The following ADAMTSL1 variants were observed in gnomAD, a reference collection of about 807,000 sequenced individuals.
ADAMTSL1 encodes ADAMTS-like protein 1.
In ADAMTSL1, 126 loss-of-function variants were observed where a neutral mutation model predicts 201.8. The observed-to-expected ratio is 0.62, with a 90% CI of 0.54 to 0.72. The LOEUF (loss-of-function observed/expected upper bound fraction) is 0.72. Among genes scored for constraint, ADAMTSL1 ranks in the 30% least tolerant of loss-of-function variants. The pLI, the probability that ADAMTSL1 is intolerant of heterozygous loss-of-function variation, is 0.00. For missense variants in ADAMTSL1, 2,679 were observed against 2,277.8 expected, an observed-to-expected ratio of 1.18 and a Z score of -3.59; for synonymous variants, 1,121 against 903.4, an observed-to-expected ratio of 1.24 and a Z score of -4.32.
At chr9:18,541,662 A>C (rs1820157365) in intron 3 of ADAMTSL1, among the ~76,000 whole-genome samples, 1 of 152,222 alleles carries the variant, frequency 6.6e-6, no homozygotes, top group African/African-American at 2.4e-5. Context: ...CTGAGCTGCC[A>C]CTTACCAGTT....
At chr9:18,696,752 T>C (rs1373379527) in intron 13 of ADAMTSL1, among the ~76,000 whole-genome samples, 3 of 152,136 alleles carry the variant, frequency 2.0e-5, no homozygotes, top group Non-Finnish European at 4.4e-5. Context: ...GAAATCATTG[T>C]ATTCCAATAT....
intron 1 of ADAMTSL1, among the ~76,000 whole-genome samples, chr9:18,478,916 T>A (rs1821592900): frequency 6.6e-6 from 1 of 152,200 alleles, no homozygotes; most frequent in African/African-American, 2.4e-5. Context: ...TGCGTGTCAT[T>A]TTCTGTCTAC....
intron 2 of ADAMTSL1, among the ~76,000 whole-genome samples, chr9:18,305,950 C>T (rs1263653055): frequency 6.6e-6 from 1 of 152,166 alleles, no homozygotes; most frequent in Admixed American, 6.5e-5. Flanking sequence ...ACACCTCATA[C>T]AGGAGAGCTC....
chr9:18,284,250 G>T (rs1832911275), intron 2 of ADAMTSL1, among the ~76,000 whole-genome samples: 1 of 151,742 alleles, frequency 6.6e-6, no homozygotes, highest in Admixed American at 6.6e-5. Flanking sequence ...AATAAAAAAA[G>T]AATTAAAAAA....
At chr9:18,127,801 G>A (rs1416493345) in intron 1 of ADAMTSL1, among the ~76,000 whole-genome samples, 1 of 152,048 alleles carries the variant, frequency 6.6e-6, no homozygotes, top group Non-Finnish European at 1.5e-5. Flanking sequence ...GCCATGTTTT[G>A]GAAGTATTGT....
chr9:18,885,601 G>A (rs192709412), intron 23 of ADAMTSL1, among the ~76,000 whole-genome samples: 223 of 152,244 alleles, frequency 1.5e-3, no homozygotes, highest in African/African-American at 5.0e-3. Flanking sequence ...GCTAGTCAGC[G>A]GATACATGAA....
intron 9 of ADAMTSL1, among the ~76,000 whole-genome samples, chr9:18,670,498 T>C (rs1829745442): frequency 6.6e-6 from 1 of 152,208 alleles, no homozygotes; most frequent in African/African-American, 2.4e-5. Context: ...CATATCAGAC[T>C]GCCCTCTCTC....
chr9:18,070,364 T>C (rs1379566682), intron 1 of ADAMTSL1, among the ~76,000 whole-genome samples: 7 of 152,138 alleles, frequency 4.6e-5, no homozygotes, highest in South Asian at 2.1e-4. Context: ...CAGGCAAATG[T>C]GGCTGGCTGG....
chr9:18,490,329 G>A (rs1485502436), intron 1 of ADAMTSL1, among the ~76,000 whole-genome samples: 1 of 152,084 alleles, frequency 6.6e-6, no homozygotes, highest in Non-Finnish European at 1.5e-5. Flanking sequence ...ATTGATTGGA[G>A]GGAGGGAGAG....
At chr9:18,189,375 G>T (rs1175322676) in intron 2 of ADAMTSL1, among the ~76,000 whole-genome samples, 2 of 152,142 alleles carry the variant, frequency 1.3e-5, no homozygotes, top group Non-Finnish European at 2.9e-5. Context: ...CAAAGCAGCA[G>T]ACTTCCCAGT....
intron 13 of ADAMTSL1, among the ~76,000 whole-genome samples, chr9:18,687,124 A>G (rs1227395937): frequency 1.3e-5 from 2 of 152,256 alleles, no homozygotes; most frequent in East Asian, 1.9e-4. Context: ...ATACCAAAAT[A>G]AAATAAATGA....
chr9:18,347,540 G>A (rs1835779525), intron 2 of ADAMTSL1, among the ~76,000 whole-genome samples: 2 of 152,144 alleles, frequency 1.3e-5, no homozygotes, highest in Non-Finnish European at 2.9e-5. Flanking sequence ...GGATCTATGT[G>A]ACACCAACAT....
intron 3 of ADAMTSL1, among the ~76,000 whole-genome samples, chr9:18,545,030 C>T (rs1333590959): frequency 6.6e-6 from 1 of 152,152 alleles, no homozygotes; most frequent in African/African-American, 2.4e-5. Flanking sequence ...TCTCTTTCTG[C>T]CACAATCCCC....
In ADAMTSL1 at chr9:18,132,429, C is replaced by T. The variant is rs529478262; in HGVS notation, c.88-31433C>T. On this transcript the variant is annotated intron_variant, in intron 1 of 29. Transcript: ENST00000680146. ...ACCATCATCCCAAACTGAAACTCTACCCATTGAACAGTGTCTTCCTAACTA... is the reference window on the plus strand; with the variant it reads ...ACCATCATCCCAAACTGAAACTCTATCCATTGAACAGTGTCTTCCTAACTA... Among the ~76,000 whole-genome samples, 30 of 152,288 alleles carry T rather than the reference C, an allele frequency of 2.0e-4. 1 individual carries two copies. In the East Asian group the frequency reaches 5.8e-3, roughly 29 times the overall value.
At chr9:18,876,182 C>T (rs1307680661) in intron 23 of ADAMTSL1, among the ~76,000 whole-genome samples, 1 of 152,032 alleles carries the variant, frequency 6.6e-6, no homozygotes, top group Non-Finnish European at 1.5e-5. Flanking sequence ...GGTTGGTGAA[C>T]TCTTACTCAT....
At chr9:18,552,814 A>C (rs975257684) in intron 3 of ADAMTSL1, among the ~76,000 whole-genome samples, 1 of 151,730 alleles carries the variant, frequency 6.6e-6, no homozygotes, top group African/African-American at 2.4e-5. Flanking sequence ...CTTAATGTAT[A>C]GTTTATCTGA....
At chr9:18,140,963 C>A (rs959969305) in intron 1 of ADAMTSL1, among the ~76,000 whole-genome samples, 25 of 152,112 alleles carry the variant, frequency 1.6e-4, no homozygotes, top group Admixed American at 1.3e-4. Flanking sequence ...TTGTGGCCAC[C>A]AAGTATTTGG....
intron 3 of ADAMTSL1, among the ~76,000 whole-genome samples, chr9:18,568,632 A>G (rs1429910869): frequency 6.6e-6 from 1 of 152,102 alleles, no homozygotes; most frequent in African/African-American, 2.4e-5. Flanking sequence ...TTGCATAGTA[A>G]CTGTTATGGA....
At chr9:18,402,982 A>G (rs1443823623) in intron 2 of ADAMTSL1, among the ~76,000 whole-genome samples, 2 of 151,996 alleles carry the variant, frequency 1.3e-5, no homozygotes, top group South Asian at 2.1e-4. Context: ...TAATGTGCCC[A>G]TTTTCTAGAT....
Sources: gnomAD v4.1 joint callset for allele counts (sites outside exome capture counted in the v4.1 genomes callset) on GRCh38, gnomAD v4.1.1 for gene constraint, MANE v1.5 for transcripts, NCBI Gene and HGNC (gene_info 2026-07-23, HGNC 2026-07-21) for gene names.